The following PSMA1 variants were observed in gnomAD, a reference collection of about 807,000 sequenced individuals.
PSMA1 encodes proteasome subunit alpha type-1.
Under a neutral mutation model 38.4 loss-of-function variants are expected in PSMA1, and 3 were observed. That is an observed-to-expected ratio of 0.08 (90% CI 0.04 to 0.20). The LOEUF is 0.20. PSMA1 is among the 10% of genes least tolerant of loss of function. The pLI is 1.00. For synonymous variants in PSMA1, 101 were observed against 107.1 expected (o/e 0.94, Z 0.35); for missense variants, 227 against 325.3 (o/e 0.70, Z 2.32).
chr11:14,611,088 C>T, exon 2 of PSMA1: 2 of 1,183,860 alleles, frequency 1.7e-6, no homozygotes, highest in Admixed American at 1.8e-5. Context: ...AAGGCCTTTA[C>T]CACTCTGCTA....
At chr11:14,641,615 A>G (rs1006559573) in intron 1 of PSMA1, among the ~76,000 whole-genome samples, 2 of 152,226 alleles carry the variant, frequency 1.3e-5, no homozygotes, top group South Asian at 4.1e-4. Context: ...TAGCCTTATA[A>G]AAACCTGAAT....
chr11:14,589,627 C>T (rs577956167), intron 2 of PSMA1, among the ~76,000 whole-genome samples: 1 of 151,950 alleles, frequency 6.6e-6, no homozygotes, highest in South Asian at 2.1e-4. Flanking sequence ...TGAAATTGAC[C>T]CCTCAGGGAA....
rs1230554670 is a variant in PSMA1 at position 14,513,633 on chromosome 11, T to C, written c.481A>G (p.Ile161Val). ...CGAGCTGATTGGGAACGGGCTCCAATGGACATGGCTCTGCAGTCAAAATAG... is the reference window on the plus strand; with the variant it reads ...CGAGCTGATTGGGAACGGGCTCCAACGGACATGGCTCTGCAGTCAAAATAG... ...ANYFDCRAMSIGARSQSARTY... is the reference protein window; with the variant it reads ...ANYFDCRAMSVGARSQSARTY... Residue 161 changes from isoleucine (I) to valine (V), a missense_variant, in exon 7 of 10, where the codon ATT (isoleucine) becomes GTT (valine). Transcript: ENST00000396394. 1.9e-6 allele frequency: 3 copies of C among 1,595,872 alleles called. No homozygotes were observed. Among genetic ancestry groups the C allele is most frequent in the South Asian group, 1.2e-5 (1 of 86,778 alleles).
At chr11:14,521,491 CA>C (rs60366805), upstream of PSMA1, among the ~76,000 whole-genome samples, 293 of 132,420 alleles carry the variant, frequency 2.2e-3, 2 homozygotes, top group African/African-American at 5.0e-3. Flanking sequence ...GATTCTGTTT[CA>C]AAAAAAAAAA....
At chr11:14,614,634 A>G (rs1448126769) in intron 1 of PSMA1, among the ~76,000 whole-genome samples, 1 of 152,226 alleles carries the variant, frequency 6.6e-6, no homozygotes, top group East Asian at 1.9e-4. Flanking sequence ...TAGTTTCTCA[A>G]GCTAGAAATT....
intron 2 of PSMA1, among the ~76,000 whole-genome samples, chr11:14,569,089 T>C (rs1009961701): frequency 6.6e-6 from 1 of 152,234 alleles, no homozygotes; most frequent in African/African-American, 2.4e-5. Context: ...GGCTTCTTGT[T>C]ACTTGTGCAA....
chr11:14,634,890 G>C (rs1424436480), intron 1 of PSMA1, among the ~76,000 whole-genome samples: 10 of 152,334 alleles, frequency 6.6e-5, no homozygotes, highest in African/African-American at 1.9e-4. Flanking sequence ...AAGAGCTTGA[G>C]AGTGAGATTG....
intron 1 of PSMA1, among the ~76,000 whole-genome samples, chr11:14,617,697 ATGTG>A (rs71913143): frequency 2.2e-5 from 3 of 133,904 alleles, no homozygotes; most frequent in South Asian, 2.3e-4. Flanking sequence ...ATATATATAT[ATGTG>A]TGTGTGTGTG....
At chr11:14,640,036 GCA>G in intron 1 of PSMA1, among the ~76,000 whole-genome samples, 1 of 152,260 alleles carries the variant, frequency 6.6e-6, no homozygotes, top group East Asian at 1.9e-4. Flanking sequence ...TTGTCATCTA[GCA>G]CAGTGTCCAG....
chr11:14,542,612 C>T (rs1851784965), intron 2 of PSMA1, among the ~76,000 whole-genome samples: 1 of 152,198 alleles, frequency 6.6e-6, no homozygotes, highest in South Asian at 2.1e-4. Flanking sequence ...GTGTCATAAA[C>T]CTGAGGTGTT....
At chr11:14,519,281 C>T (rs79966935) in intron 1 of PSMA1, 14,708 of 564,526 alleles carry the variant, frequency 0.026, 281 homozygotes, top group Non-Finnish European at 0.039. Flanking sequence ...TATTCTAACA[C>T]CCTCCATATC....
chr11:14,619,291 TAAAA>T (rs201107599), intron 1 of PSMA1, among the ~76,000 whole-genome samples: 1 of 151,600 alleles, frequency 6.6e-6, no homozygotes, highest in Admixed American at 6.6e-5. Flanking sequence ...TCTACAAAAA[TAAAA>T]AAAATTAGCT....
chr11:14,540,026 G>A (rs1008578776), intron 2 of PSMA1, among the ~76,000 whole-genome samples: 3 of 152,178 alleles, frequency 2.0e-5, no homozygotes, highest in Non-Finnish European at 2.9e-5. Context: ...ACTACTCTAA[G>A]CAGCAGGAAC....
At chr11:14,620,611 A>G (rs1852833023) in intron 1 of PSMA1, among the ~76,000 whole-genome samples, 1 of 152,236 alleles carries the variant, frequency 6.6e-6, no homozygotes, top group South Asian at 2.1e-4. Context: ...AGACAGAGAT[A>G]CTGGCAATAA....
intron 1 of PSMA1, among the ~76,000 whole-genome samples, chr11:14,619,046 T>A (rs1852808881): frequency 6.6e-6 from 1 of 152,202 alleles, no homozygotes; most frequent in Admixed American, 6.5e-5. Context: ...TCTCCCTTTG[T>A]ATTAAGCACT....
chr11:14,616,071 A>T (rs1452885390), intron 1 of PSMA1, among the ~76,000 whole-genome samples: 1 of 152,078 alleles, frequency 6.6e-6, no homozygotes, highest in African/African-American at 2.4e-5. Flanking sequence ...CTGAAGTCTG[A>T]GATGCTTGGC....
At chr11:14,604,190 G>A (rs2134195217) in intron 2 of PSMA1, among the ~76,000 whole-genome samples, 1 of 152,276 alleles carries the variant, frequency 6.6e-6, no homozygotes, top group East Asian at 1.9e-4. Context: ...CTCCTGAGTA[G>A]CTGGGATTAC....
chr11:14,558,020 A>G (rs1408900279), intron 2 of PSMA1, among the ~76,000 whole-genome samples: 1 of 152,114 alleles, frequency 6.6e-6, no homozygotes, highest in Non-Finnish European at 1.5e-5. Flanking sequence ...AGCAAAACAA[A>G]AGTTTGAAGT....
At chr11:14,569,662 G>A (rs960808300) in intron 2 of PSMA1, among the ~76,000 whole-genome samples, 1 of 152,194 alleles carries the variant, frequency 6.6e-6, no homozygotes, top group Non-Finnish European at 1.5e-5. Context: ...GGCTGGAGGA[G>A]GTGCGTCTGC....
Sources: gnomAD v4.1 joint callset for allele counts (sites outside exome capture counted in the v4.1 genomes callset) on GRCh38, gnomAD v4.1.1 for gene constraint, MANE v1.5 for transcripts, NCBI Gene and HGNC (gene_info 2026-07-23, HGNC 2026-07-21) for gene names.